Variants in C2CD2 observed in about 807,000 individuals in gnomAD.
C2CD2 encodes C2 calcium dependent domain containing 2, also known as C2 domain-containing protein 2.
A neutral mutation model predicts 74.3 loss-of-function variants in C2CD2; 43 were observed. The ratio of observed to expected loss-of-function variants is 0.58; its 90% confidence interval spans 0.45 to 0.75. C2CD2 has a LOEUF of 0.75. C2CD2 is among the 30% of genes least tolerant of loss of function. The probability of loss-of-function intolerance (pLI) is 0.00; values close to 1 mark genes in which losing one functional copy is unlikely to be tolerated. For missense variants in C2CD2, 801 were observed against 916.3 expected, an observed-to-expected ratio of 0.87 and a Z score of 1.63; for synonymous variants, 422 against 390.7, an observed-to-expected ratio of 1.08 and a Z score of -0.94.
chr21:41,917,177 C>G (rs2065102132), intron 5 of C2CD2, among the ~76,000 whole-genome samples: 1 of 152,202 alleles, frequency 6.6e-6, no homozygotes. Flanking sequence ...ACCCCCATAG[C>G]CAGGGCTTAG....
At chr21:41,928,370 G>A (rs905285166) in intron 2 of C2CD2, among the ~76,000 whole-genome samples, 14 of 152,074 alleles carry the variant, frequency 9.2e-5, no homozygotes, top group African/African-American at 1.9e-4. Context: ...CGTGGGAGTC[G>A]CATTCAGGGG....
chr21:41,902,655 T>C (rs933170805), intron 11 of C2CD2, among the ~76,000 whole-genome samples: 3 of 152,336 alleles, frequency 2.0e-5, no homozygotes, highest in South Asian at 2.1e-4. Flanking sequence ...GTTTTGGCCA[T>C]GGCCTGAGGC....
rs548003537 is a variant in C2CD2 at position 41,953,071 on chromosome 21, T to C, written c.279+299A>G. ...GCCCCGGGACTCCAGGCAAGGCAGGTACTGGCTGGCGCGGATGAGCACTTC... is the reference window on the plus strand; with the variant it reads ...GCCCCGGGACTCCAGGCAAGGCAGGCACTGGCTGGCGCGGATGAGCACTTC... On this transcript the variant is annotated intron_variant, in intron 1 of 13. Coordinates refer to ENST00000380486, the MANE Select transcript of C2CD2 (RefSeq NM_015500.2). 3.5e-5 allele frequency: 12 copies of C among 347,476 alleles called. No homozygotes were observed. The South Asian group carries it at 1.6e-3, about 48-fold the overall frequency. 21.5% of individuals were successfully genotyped at this position (347,476 alleles called of 1,614,324 possible). A position where few individuals can be genotyped will look rare whatever the true frequency, so the allele number is the denominator to read the frequency against.
intron 1 of C2CD2, chr21:41,952,962 A>C: frequency 5.5e-6 from 1 of 182,606 alleles, no homozygotes; most frequent in Non-Finnish European, 1.1e-5. Context: ...ATTCAGCTCT[A>C]TGAGAGGCGG....
chr21:41,908,257 G>GTGTGTGTGTGTGTGTGTGTGTGTGTA, intron 8 of C2CD2: 1 of 182,142 alleles, frequency 5.5e-6, no homozygotes, highest in Non-Finnish European at 1.1e-5. Flanking sequence ...GTGTGTGTGT[G>GTGTGTGTGTGTGTGTGTGTGTGTGTA]TGTGTAAAAG....
chr21:41,925,924 G>A (rs1041343482), intron 2 of C2CD2, among the ~76,000 whole-genome samples: 2 of 152,218 alleles, frequency 1.3e-5, no homozygotes, highest in Non-Finnish European at 2.9e-5. Context: ...CCATGGTCAT[G>A]AGAGCCTCTT....
At chr21:41,946,351 G>A (rs1009810294) in intron 1 of C2CD2, among the ~76,000 whole-genome samples, 5 of 152,138 alleles carry the variant, frequency 3.3e-5, no homozygotes, top group Non-Finnish European at 5.9e-5. Flanking sequence ...AGATGGGCCC[G>A]GTGGGAGGTG....
intron 2 of C2CD2, among the ~76,000 whole-genome samples, chr21:41,938,149 T>G (rs1191840819): frequency 2.0e-5 from 3 of 151,256 alleles, no homozygotes; most frequent in Non-Finnish European, 4.4e-5. Flanking sequence ...GTATGTTAGA[T>G]TTAGCCATTC....
intron 13 of C2CD2, among the ~76,000 whole-genome samples, chr21:41,889,850 G>A (rs993639706): frequency 6.6e-6 from 1 of 152,104 alleles, no homozygotes; most frequent in Non-Finnish European, 1.5e-5. Context: ...GGTCAGGCTG[G>A]TCTCGAACTC....
chr21:41,912,106 C>A, intron 7 of C2CD2: 1 of 478,002 alleles, frequency 2.1e-6, no homozygotes, highest in South Asian at 3.3e-5. Flanking sequence ...ATGGCTCCCT[C>A]TCATCATATC....
rs565938708 is a variant in C2CD2, at chr21:41,923,053, T to C, written c.379-968A>G. On this transcript the variant is annotated intron_variant, in intron 2 of 13. Coordinates refer to ENST00000380486, the MANE Select transcript of C2CD2 (RefSeq NM_015500.2). The surrounding 1 kb of genome is among the most constrained non-coding windows in gnomAD (Gnocchi z 5.8). Reference sequence around the variant, plus strand: ...CTCTGTCGCCCAGGTTGGAGTGCAGTGGCACAATCTTAGCTCACTGCAACC... The same window carrying C: ...CTCTGTCGCCCAGGTTGGAGTGCAGCGGCACAATCTTAGCTCACTGCAACC... Among the ~76,000 whole-genome samples the C allele has an allele frequency of 6.6e-6, 1 of 151,748 alleles. No individual in the cohort carries two copies. Among genetic ancestry groups the C allele is most frequent in the African/African-American group, 2.4e-5 (1 of 41,342 alleles).
rs2064918276 is a variant in C2CD2 at position 41,903,051 on chromosome 21, C to T, written c.1433-1302G>A. 1.3e-5 allele frequency among the ~76,000 whole-genome samples: 2 copies of T among 152,152 alleles called. No individual in the cohort carries two copies. Among genetic ancestry groups the T allele is most frequent in the South Asian group, 4.1e-4 (2 of 4,830 alleles). On this transcript the variant is annotated intron_variant, in intron 11 of 13. Coordinates refer to ENST00000380486, the MANE Select transcript of C2CD2 (RefSeq NM_015500.2). The surrounding 1 kb of genome is among the most constrained non-coding windows in gnomAD (Gnocchi z 4.5). ...ATGCCTACATACCTACTTATAGAAG[C>T]ACCATAAACCCCCTAAATGACAGGG...
intron 1 of C2CD2, among the ~76,000 whole-genome samples, chr21:41,951,449 G>A (rs2065449934): frequency 6.8e-6 from 1 of 148,024 alleles, no homozygotes; most frequent in African/African-American, 2.5e-5. Context: ...AGATGGCCCT[G>A]GGTTGCTTTG....
At position 41,906,871 on chromosome 21, in the gene C2CD2, T is replaced by C; in HGVS notation, c.1318+121A>G. ...GTGTGGCCAATTAGCACCCTTCCTG[T>C]GCTGTGAGAATTTCCTAACACTCGG... On this transcript the variant is annotated intron_variant, in intron 10 of 13. Transcript: ENST00000380486. The C allele has an allele frequency of 5.7e-6, 4 of 699,944 alleles. No homozygotes were observed. The South Asian group carries it at 7.5e-5, about 13-fold the overall frequency. 43.4% of individuals were successfully genotyped at this position (699,944 alleles called of 1,614,324 possible). A position where few individuals can be genotyped will look rare whatever the true frequency, so the allele number is the denominator to read the frequency against.
chr21:41,888,475 C>G lies in C2CD2; in HGVS notation c.*649G>C, dbSNP rs913453562. ...TAAACTTAGAAAAGTGTTCTGCATA[C>G]TATGCATAGGATATAGTTAGTGTTC... On this transcript the variant is annotated 3_prime_UTR_variant, in exon 14 of 14. Transcript: ENST00000380486. The G allele has an allele frequency of 1.3e-5, 2 of 153,006 alleles. No homozygotes were observed. The highest frequency in any genetic ancestry group is 4.8e-5 in the African/African-American group (2 of 41,436). 9.5% of individuals were successfully genotyped at this position (153,006 alleles called of 1,614,324 possible). A position where few individuals can be genotyped will look rare whatever the true frequency, so the allele number is the denominator to read the frequency against.
rs897303557 is a variant in C2CD2 at position 41,903,944 on chromosome 21, C to T, written c.1432+1780G>A. Among the ~76,000 whole-genome samples the T allele has an allele frequency of 1.5e-4, 23 of 152,230 alleles. No individual in the cohort carries two copies. The highest frequency in any genetic ancestry group is 5.3e-4 in the African/African-American group (22 of 41,548). On this transcript the variant is annotated intron_variant, in intron 11 of 13. Coordinates refer to ENST00000380486, the MANE Select transcript of C2CD2 (RefSeq NM_015500.2). This position sits in a 1 kb window ranked among gnomAD's most constrained non-coding sequence, Gnocchi z 4.5. Reference sequence around the variant, plus strand: ...TCAGGGGCAGCGGCAAAAGCATCAGCGGCATTAGTACCAGAGCGGCTCCAG... The same window carrying T: ...TCAGGGGCAGCGGCAAAAGCATCAGTGGCATTAGTACCAGAGCGGCTCCAG...
intron 2 of C2CD2, among the ~76,000 whole-genome samples, chr21:41,941,011 C>T (rs114287724): frequency 1.3e-5 from 2 of 151,456 alleles, no homozygotes; most frequent in East Asian, 1.9e-4. Flanking sequence ...ATAATAATAA[C>T]AACAGCAACA....
intron 2 of C2CD2, among the ~76,000 whole-genome samples, chr21:41,922,318 C>T (rs1332773443): frequency 1.3e-5 from 2 of 151,942 alleles, no homozygotes; most frequent in African/African-American, 4.8e-5. Context: ...GCCCCCACAC[C>T]CACCTAATTT....
intron 1 of C2CD2, among the ~76,000 whole-genome samples, chr21:41,950,805 G>A (rs571968305): frequency 6.6e-6 from 1 of 152,280 alleles, no homozygotes; most frequent in African/African-American, 2.4e-5. Flanking sequence ...GGAATGGGAG[G>A]AGTTATTGTC....
Sources: allele counts gnomAD v4.1 joint callset (sites outside exome capture counted in the v4.1 genomes callset), GRCh38; gene constraint gnomAD v4.1.1; non-coding constraint Gnocchi (gnomAD v3.1); transcripts MANE v1.5; gene names NCBI Gene and HGNC (gene_info 2026-07-23, HGNC 2026-07-21).